Variants in KLF13 observed in about 807,000 individuals in gnomAD.
The protein encoded by KLF13 is Krueppel-like factor 13.
A neutral mutation model predicts 16.7 loss-of-function variants in KLF13; 8 were observed. The observed-to-expected ratio is 0.48, with a 90% CI of 0.28 to 0.87. The LOEUF is 0.87. Ranked by LOEUF, KLF13 falls within the 40% of genes least tolerant of loss-of-function variation. The pLI is 0.10. For synonymous variants in KLF13, 245 were observed against 208.4 expected (o/e 1.18, Z -1.51); for missense variants, 447 against 452.2 (o/e 0.99, Z 0.10).
At chr15:31,365,356 T>G (rs1052646082) in intron 1 of KLF13, among the ~76,000 whole-genome samples, 1 of 152,180 alleles carries the variant, frequency 6.6e-6, no homozygotes, top group Non-Finnish European at 1.5e-5. Context: ...CTCATTTGCC[T>G]TTCCAGGACC....
intron 1 of KLF13, among the ~76,000 whole-genome samples, chr15:31,413,233 T>C (rs1017200998): frequency 7.4e-6 from 1 of 134,408 alleles, no homozygotes; most frequent in Non-Finnish European, 1.6e-5. Context: ...CTCAGAGATA[T>C]GCGGGACACC....
chr15:31,391,092 G>A (rs1196191382), upstream of KLF13, among the ~76,000 whole-genome samples: 1 of 78,226 alleles, frequency 1.3e-5, no homozygotes. Flanking sequence ...GGCGGGGGTG[G>A]ATAATGTGGG....
At chr15:31,392,094 A>G (rs2039879910), upstream of KLF13, among the ~76,000 whole-genome samples, 2 of 151,784 alleles carry the variant, frequency 1.3e-5, no homozygotes, top group South Asian at 4.1e-4. Flanking sequence ...CGCGGTCTCC[A>G]TCCCCCTCGG....
At chr15:31,424,976 T>C (rs750761467) in intron 1 of KLF13, among the ~76,000 whole-genome samples, 2 of 151,432 alleles carry the variant, frequency 1.3e-5, no homozygotes, top group Non-Finnish European at 2.9e-5. Context: ...AAATTAGTTT[T>C]ATTTCTATAT....
At chr15:31,395,902 C>A (rs1437676149) in intron 2 of KLF13, among the ~76,000 whole-genome samples, 2 of 152,242 alleles carry the variant, frequency 1.3e-5, no homozygotes, top group Non-Finnish European at 2.9e-5. Flanking sequence ...CCCAAGAAGT[C>A]TGCCTCAGAG....
At chr15:31,358,332 G>A (rs1402442144) in intron 1 of KLF13, among the ~76,000 whole-genome samples, 3 of 152,200 alleles carry the variant, frequency 2.0e-5, no homozygotes, top group Admixed American at 6.5e-5. Context: ...TCAAAACATC[G>A]TTTTCCCAAG....
In KLF13 at chr15:31,377,566, G is replaced by C. The variant is rs941201125; in HGVS notation, c.*5267G>C. The C allele has an allele frequency of 1.3e-5, 2 of 152,608 alleles. No individual in the cohort carries two copies. Among genetic ancestry groups the C allele is most frequent in the African/African-American group, 4.8e-5 (2 of 41,428 alleles). The allele number at this position is 152,608 out of a possible 1,614,324, so 9.5% of individuals were successfully genotyped here. ...TGGAATCATTTGCCAAAAGCCCAAG[G>C]CAGAATCCAAGGGTCCAAGACCATT... On this transcript the variant is annotated 3_prime_UTR_variant, in exon 2 of 2. Coordinates refer to ENST00000307145, the MANE Select transcript of KLF13 (RefSeq NM_015995.4).
Position 31,435,025 on chromosome 15 carries a change from C to T in KLF13, n.118-345C>T, listed in dbSNP as rs534904896. Among the ~76,000 whole-genome samples the T allele has an allele frequency of 3.9e-5, 6 of 152,318 alleles. No individual in the cohort carries two copies. The East Asian group carries it at 7.7e-4, about 20-fold the overall frequency. The stretch of plus-strand genomic sequence containing the variant: ...GTCAGAAATATTCCTTTCCTTGAGC[C>T]GTCGCAGCTCAGCCTCCTTGAATCA... On this transcript the variant is annotated intron_variant and non_coding_transcript_variant, in intron 1 of 1. Coordinates refer to the KLF13 transcript ENST00000558225.
At chr15:31,424,233 A>T (rs1193310445) in intron 1 of KLF13, among the ~76,000 whole-genome samples, 1 of 152,174 alleles carries the variant, frequency 6.6e-6, no homozygotes, top group Admixed American at 6.5e-5. Context: ...TGAGACCAAC[A>T]TTACTCTGAT....
At chr15:31,420,754 GA>G in intron 1 of KLF13, 34 of 219,232 alleles carry the variant, frequency 1.6e-4, no homozygotes, top group Non-Finnish European at 2.6e-4. Context: ...GTGCAGTGGT[GA>G]GATCTCAGCT....
At position 31,420,353 on chromosome 15, in the gene KLF13, G is replaced by T. The variant is rs1447366681; in HGVS notation, n.118-15017G>T. 5 of 1,110,914 alleles carry T rather than the reference G, an allele frequency of 4.5e-6. No individual in the cohort carries two copies. The Admixed American group carries it at 7.0e-5, about 16-fold the overall frequency. The allele number at this position is 1,110,914 out of a possible 1,614,324, so 68.8% of individuals were successfully genotyped here. A position where few individuals can be genotyped will look rare whatever the true frequency, so the allele number is the denominator to read the frequency against. On this transcript the variant is annotated intron_variant and non_coding_transcript_variant, in intron 1 of 1. Transcript: ENST00000558225. ...TGGAGCAGCTGGCACAGTGTATGAA[G>T]ACCTGAGGTATAAGCTCTTGCTAGA...
At chr15:31,363,333 T>C (rs543915569) in intron 1 of KLF13, among the ~76,000 whole-genome samples, 18 of 152,376 alleles carry the variant, frequency 1.2e-4, no homozygotes, top group South Asian at 2.1e-4. Flanking sequence ...TTTTTCTTTT[T>C]AAAATTCCTG....
intron 1 of KLF13, among the ~76,000 whole-genome samples, chr15:31,335,301 G>C (rs190178643): frequency 2.8e-4 from 42 of 152,194 alleles, no homozygotes; most frequent in Non-Finnish European, 5.1e-4. Flanking sequence ...TGGTGAAGGG[G>C]CTATGCCTTC....
At chr15:31,419,655 A>G (rs1424942192) in intron 1 of KLF13, among the ~76,000 whole-genome samples, 1 of 152,236 alleles carries the variant, frequency 6.6e-6, no homozygotes, top group African/African-American at 2.4e-5. Context: ...GTAAAAGTGA[A>G]GAAAGCATAA....
intron 1 of KLF13, among the ~76,000 whole-genome samples, chr15:31,432,752 G>A (rs1464128954): frequency 1.3e-5 from 2 of 152,086 alleles, no homozygotes; most frequent in Non-Finnish European, 2.9e-5. Flanking sequence ...ACCTGGCCTG[G>A]TCATTTCCAT....
At chr15:31,425,759 C>T (rs1173847601) in intron 1 of KLF13, among the ~76,000 whole-genome samples, 2 of 152,184 alleles carry the variant, frequency 1.3e-5, no homozygotes, top group Non-Finnish European at 2.9e-5. Flanking sequence ...TGCCTGTAAT[C>T]CCAGCTACTT....
At chr15:31,429,694 CTTTTATTTATTTA>C (rs2040446656) in intron 1 of KLF13, among the ~76,000 whole-genome samples, 1 of 142,358 alleles carries the variant, frequency 7.0e-6, no homozygotes, top group South Asian at 2.3e-4. Context: ...GAGAAAGATT[CTTTTATTTATTTA>C]TTTATTTATT....
intron 1 of KLF13, among the ~76,000 whole-genome samples, chr15:31,341,967 G>A (rs1459596401): frequency 1.3e-5 from 2 of 152,206 alleles, no homozygotes; most frequent in Non-Finnish European, 2.9e-5. Context: ...CATCAGGCAT[G>A]CTCAGACTAG....
intron 1 of KLF13, among the ~76,000 whole-genome samples, chr15:31,418,709 A>G (rs1174243590): frequency 6.6e-6 from 1 of 152,102 alleles, no homozygotes. Flanking sequence ...AATTTTTTCT[A>G]CAAAAATTTT....
Sources: gnomAD v4.1 joint callset for allele counts (sites outside exome capture counted in the v4.1 genomes callset) on GRCh38, gnomAD v4.1.1 for gene constraint, MANE v1.5 for transcripts, NCBI Gene and HGNC (gene_info 2026-07-23, HGNC 2026-07-21) for gene names.